The following PIK3C2G variants were observed in gnomAD, a reference collection of about 807,000 sequenced individuals.
PIK3C2G encodes the protein phosphatidylinositol 3-kinase C2 domain-containing subunit gamma.
Under a neutral mutation model 181.1 loss-of-function variants are expected in PIK3C2G, and 168 were observed. That is an observed-to-expected ratio of 0.93 (90% CI 0.82 to 1.05). PIK3C2G has a LOEUF of 1.05. PIK3C2G is among the 50% of genes least tolerant of loss of function. The pLI, the probability that PIK3C2G is intolerant of heterozygous loss-of-function variation, is 0.00. For synonymous variants in PIK3C2G, 573 were observed against 592.2 expected (o/e 0.97, Z 0.47); for missense variants, 1,869 against 1,732.8 (o/e 1.08, Z -1.40).
chr12:18,286,755 C>A, intron 2 of PIK3C2G, 92 bp from the exon 3 acceptor site: 1 of 699,116 alleles, frequency 1.4e-6, no homozygotes, highest in East Asian at 3.0e-5. Flanking sequence ...AAAATGAAGT[C>A]TGAATGAAAC....
chr12:18,392,498 A>G (rs894725887), intron 15 of PIK3C2G, among the ~76,000 whole-genome samples: 3 of 152,040 alleles, frequency 2.0e-5, no homozygotes, highest in African/African-American at 7.2e-5. Flanking sequence ...AGGCCTTTTT[A>G]TTTGATATTC....
intron 26 of PIK3C2G, among the ~76,000 whole-genome samples, chr12:18,548,805 A>C (rs1305279563): frequency 6.6e-6 from 1 of 152,014 alleles, no homozygotes; most frequent in Non-Finnish European, 1.5e-5. Flanking sequence ...ATCATTTCTC[A>C]GTTCAATAAT....
intron 1 of PIK3C2G, among the ~76,000 whole-genome samples, chr12:18,281,383 G>A (rs910667869): frequency 6.6e-6 from 1 of 151,376 alleles, no homozygotes; most frequent in Non-Finnish European, 1.5e-5. Context: ...TATGGTGAAC[G>A]GTATCAAATC....
intron 10 of PIK3C2G, among the ~76,000 whole-genome samples, chr12:18,345,583 C>T (rs1438606550): frequency 6.6e-6 from 1 of 152,158 alleles, no homozygotes; most frequent in Non-Finnish European, 1.5e-5. Flanking sequence ...CATCCAACTG[C>T]CTGTGTGCTG....
At chr12:18,358,525 G>A (rs1940953510) in intron 11 of PIK3C2G, 1 of 298,108 alleles carries the variant, frequency 3.4e-6, no homozygotes, top group Admixed American at 4.1e-5. Context: ...ACCAAATTCT[G>A]AAATGGTGTC....
At chr12:18,676,333 C>T in the PIK3C2G span, among the ~76,000 whole-genome samples, 1 of 152,036 alleles carries the variant, frequency 6.6e-6, no homozygotes, top group African/African-American at 2.4e-5. Context: ...GTTCAGTGTA[C>T]TTTGTAACTG....
chr12:18,662,302 C>G, the PIK3C2G span, among the ~76,000 whole-genome samples: 60,307 of 148,556 alleles, frequency 0.41, 14,153 homozygotes, highest in South Asian at 0.6. Context: ...ACATGTACCT[C>G]TAAACATAAA....
chr12:18,478,130 T>C (rs540086846), intron 18 of PIK3C2G, among the ~76,000 whole-genome samples: 3 of 152,088 alleles, frequency 2.0e-5, no homozygotes, highest in Non-Finnish European at 4.4e-5. Context: ...AGAGAAATTT[T>C]TTAAAAAAAG....
chr12:18,636,395 G>C (rs978035004), intron 31 of PIK3C2G, among the ~76,000 whole-genome samples: 1 of 152,092 alleles, frequency 6.6e-6, no homozygotes, highest in Non-Finnish European at 1.5e-5. Context: ...ACCATGTCCA[G>C]TAATTTTGTA....
At chr12:18,263,018 TATGA>T in intron 1 of PIK3C2G, among the ~76,000 whole-genome samples, 1 of 152,304 alleles carries the variant, frequency 6.6e-6, no homozygotes, top group African/African-American at 2.4e-5. Context: ...ATAGACCTTT[TATGA>T]CAAAACTCTT....
Position 18,583,387 on chromosome 12 carries a change from T to C in PIK3C2G, c.4012-11107T>C, listed in dbSNP as rs373420559. 2.0e-5 allele frequency among the ~76,000 whole-genome samples: 3 copies of C among 152,150 alleles called. 1 individual carries two copies. The highest frequency in any genetic ancestry group is 3.9e-4 in the East Asian group (2 of 5,176). On this transcript the variant is annotated intron_variant, in intron 29 of 32. Coordinates refer to ENST00000538779, the MANE Select transcript of PIK3C2G (RefSeq NM_001288772.2). ...TTTGTTACATGGGTCCCCAGCCCTGTATCTCCTCAGTGGGTGGGTCCTCCT... is the reference window on the plus strand; with the variant it reads ...TTTGTTACATGGGTCCCCAGCCCTGCATCTCCTCAGTGGGTGGGTCCTCCT...
chr12:18,705,006 T>C, the PIK3C2G span, among the ~76,000 whole-genome samples: 1 of 152,190 alleles, frequency 6.6e-6, no homozygotes, highest in African/African-American at 2.4e-5. Flanking sequence ...TAAGCATTCA[T>C]GAGAACATTC....
chr12:18,463,885 C>T (rs1427241822), intron 18 of PIK3C2G, among the ~76,000 whole-genome samples: 1 of 152,076 alleles, frequency 6.6e-6, no homozygotes, highest in Admixed American at 6.6e-5. Context: ...CTATGAAGAT[C>T]AAACAGGCCC....
At chr12:18,701,534 CT>C in the PIK3C2G span, 2 of 1,613,914 alleles carry the variant, frequency 1.2e-6, no homozygotes, top group Non-Finnish European at 8.5e-7. Flanking sequence ...CTCCAGGTAA[CT>C]TTTTTACCCC....
intron 2 of PIK3C2G, among the ~76,000 whole-genome samples, chr12:18,285,739 A>G (rs1444306632): frequency 1.3e-5 from 2 of 151,946 alleles, no homozygotes; most frequent in Non-Finnish European, 2.9e-5. Flanking sequence ...AAATGCAGCA[A>G]AGGCATAAAA....
At chr12:18,490,238 T>A (rs2136059325) in intron 19 of PIK3C2G, among the ~76,000 whole-genome samples, 1 of 152,272 alleles carries the variant, frequency 6.6e-6, no homozygotes, top group East Asian at 1.9e-4. Context: ...AATGCAACTT[T>A]TCTCTCTACA....
At chr12:18,627,945 A>T (rs1029905048) in intron 31 of PIK3C2G, among the ~76,000 whole-genome samples, 22 of 152,168 alleles carry the variant, frequency 1.4e-4, no homozygotes, top group Admixed American at 1.4e-3. Flanking sequence ...AAAGATAATA[A>T]CCTATTAAAT....
chr12:18,538,057 AAAG>A (rs1472209218), intron 24 of PIK3C2G, 96 bp from the exon 25 acceptor site: 18 of 1,207,082 alleles, frequency 1.5e-5, no homozygotes, highest in Non-Finnish European at 1.1e-5. Context: ...GAGAAAAAAA[AAAG>A]AAAATTCAAA....
At chr12:18,405,634 A>G (rs1253311556) in intron 16 of PIK3C2G, among the ~76,000 whole-genome samples, 5 of 152,148 alleles carry the variant, frequency 3.3e-5, no homozygotes. Context: ...AGAACTCTTG[A>G]AAAAGATTTT....
Sources: allele counts gnomAD v4.1 joint callset (sites outside exome capture counted in the v4.1 genomes callset), GRCh38; gene constraint gnomAD v4.1.1; transcripts MANE v1.5; gene names NCBI Gene and HGNC (gene_info 2026-07-23, HGNC 2026-07-21).